Variants in CDH20 observed in about 807,000 individuals in gnomAD.
CDH20 encodes cadherin-20.
A neutral mutation model predicts 74.2 loss-of-function variants in CDH20; 29 were observed. The observed-to-expected ratio is 0.39, with a 90% CI of 0.29 to 0.53. The LOEUF (loss-of-function observed/expected upper bound fraction) is 0.53. Ranked by LOEUF, CDH20 falls within the 20% of genes least tolerant of loss-of-function variation. CDH20 has a pLI of 0.69. For missense variants in CDH20, 988 were observed against 1,048.3 expected (o/e 0.94, Z 0.79); for synonymous variants, 469 against 405.4 (o/e 1.16, Z -1.88).
chr18:61,478,759 C>CG (rs35312486), intron 1 of CDH20, among the ~76,000 whole-genome samples: 8 of 151,988 alleles, frequency 5.3e-5, no homozygotes, highest in Non-Finnish European at 1.2e-4. Context: ...GCTTAGTAAA[C>CG]GGGAAAGTGG....
intron 1 of CDH20, among the ~76,000 whole-genome samples, chr18:61,416,712 C>T (rs995265855): frequency 1.5e-4 from 23 of 152,204 alleles, no homozygotes; most frequent in African/African-American, 4.8e-4. Flanking sequence ...GACAAAGACA[C>T]ATGACCACAC....
At chr18:61,464,293 G>C (rs1472494693) in intron 1 of CDH20, among the ~76,000 whole-genome samples, 1 of 151,400 alleles carries the variant, frequency 6.6e-6, no homozygotes, top group Non-Finnish European at 1.5e-5. Context: ...GGGAAAAAGA[G>C]TTTGGTGGTT....
intron 1 of CDH20, among the ~76,000 whole-genome samples, chr18:61,432,781 C>T (rs776577932): frequency 6.6e-6 from 1 of 152,160 alleles, no homozygotes; most frequent in Non-Finnish European, 1.5e-5. Context: ...CCTTTTCCTT[C>T]CTTCCTTTCT....
In CDH20 at chr18:61,335,001, C is replaced by T. The variant is rs910641890; in HGVS notation, c.-153+1174C>T. 2.6e-5 allele frequency among the ~76,000 whole-genome samples: 4 copies of T among 152,118 alleles called. No individual in the cohort carries two copies. In the East Asian group the frequency reaches 7.7e-4, roughly 29 times the overall value. Reference sequence around the variant, plus strand: ...TTTCCACCAAAGGAAATTACCCACTCAGAGCTGTGGTGCTGTCAGGGACTC... The same window carrying T: ...TTTCCACCAAAGGAAATTACCCACTTAGAGCTGTGGTGCTGTCAGGGACTC... On this transcript the variant is annotated intron_variant, in intron 1 of 11. Coordinates refer to ENST00000262717, the MANE Select transcript of CDH20 (RefSeq NM_031891.4).
intron 1 of CDH20, among the ~76,000 whole-genome samples, chr18:61,467,565 C>T (rs1181579942): frequency 6.6e-6 from 1 of 152,156 alleles, no homozygotes; most frequent in Admixed American, 6.5e-5. Context: ...CACTCCCTCC[C>T]TCCAAAAATA....
At chr18:61,400,716 G>A (rs1912127852) in intron 1 of CDH20, among the ~76,000 whole-genome samples, 3 of 152,152 alleles carry the variant, frequency 2.0e-5, no homozygotes, top group African/African-American at 7.2e-5. Flanking sequence ...TCAATTCACA[G>A]GAGGCAAATG....
intron 9 of CDH20, among the ~76,000 whole-genome samples, chr18:61,540,663 A>G (rs1599157635): frequency 6.6e-6 from 1 of 152,184 alleles, no homozygotes; most frequent in African/African-American, 2.4e-5. Flanking sequence ...TATGGGAGCT[A>G]TAATTCAAGA....
intron 1 of CDH20, among the ~76,000 whole-genome samples, chr18:61,415,551 T>G (rs1169540104): frequency 6.6e-6 from 1 of 152,164 alleles, no homozygotes; most frequent in East Asian, 1.9e-4. Flanking sequence ...CACTCATCTT[T>G]TCTTGAGTTG....
At chr18:61,340,284 C>T (rs1909905476) in intron 1 of CDH20, among the ~76,000 whole-genome samples, 1 of 136,826 alleles carries the variant, frequency 7.3e-6, no homozygotes, top group African/African-American at 2.7e-5. Context: ...AGCATTTTCC[C>T]AGAGAACAGT....
intron 1 of CDH20, among the ~76,000 whole-genome samples, chr18:61,352,391 T>C (rs1364893099): frequency 1.3e-5 from 2 of 152,210 alleles, no homozygotes; most frequent in African/African-American, 4.8e-5. Context: ...TGTGATAAAA[T>C]ATGCATCAAT....
intron 9 of CDH20, among the ~76,000 whole-genome samples, chr18:61,540,927 A>G (rs1005530304): frequency 2.6e-5 from 4 of 152,202 alleles, no homozygotes; most frequent in Non-Finnish European, 5.9e-5. Context: ...TTATCTAACA[A>G]TCCTTGAAAT....
At chr18:61,493,254 C>T (rs1050394028) in intron 2 of CDH20, among the ~76,000 whole-genome samples, 6 of 152,098 alleles carry the variant, frequency 3.9e-5, no homozygotes, top group African/African-American at 1.4e-4. Flanking sequence ...GCATCTCCTC[C>T]TCTCTAGGCT....
intron 1 of CDH20, among the ~76,000 whole-genome samples, chr18:61,438,341 T>A (rs1382142091): frequency 1.3e-5 from 2 of 149,882 alleles, no homozygotes; most frequent in African/African-American, 4.9e-5. Context: ...AATTCAGAGA[T>A]GTAGAGGAGG....
At chr18:61,454,616 T>C (rs764139017) in intron 1 of CDH20, among the ~76,000 whole-genome samples, 2 of 152,142 alleles carry the variant, frequency 1.3e-5, no homozygotes, top group Admixed American at 1.3e-4. Flanking sequence ...CTTCTAAAAA[T>C]AAGGTCTGGG....
intron 1 of CDH20, among the ~76,000 whole-genome samples, chr18:61,441,670 T>A (rs576685371): frequency 6.6e-6 from 1 of 152,352 alleles, no homozygotes; most frequent in South Asian, 2.1e-4. Flanking sequence ...TTGATAGTAC[T>A]CAGCTTTGGT....
At chr18:61,421,888 G>A (rs756654890) in intron 1 of CDH20, among the ~76,000 whole-genome samples, 1 of 152,052 alleles carries the variant, frequency 6.6e-6, no homozygotes, top group Non-Finnish European at 1.5e-5. Context: ...TCTGATTAGT[G>A]TCAATGAGGG....
chr18:61,527,781 T>C (rs1328788680), intron 6 of CDH20, among the ~76,000 whole-genome samples, 186 bp from the exon 7 acceptor site: 1 of 152,208 alleles, frequency 6.6e-6, no homozygotes. Context: ...GTGTTGAAAC[T>C]GACATTAAGA....
intron 1 of CDH20, chr18:61,334,316 G>T (rs1285077742): frequency 2.6e-5 from 4 of 152,184 alleles, no homozygotes; most frequent in Admixed American, 2.6e-4. Flanking sequence ...CTCCGGGGAG[G>T]CGCAGGCACC....
chr18:61,551,881 G>C (rs1311917206), intron 11 of CDH20, among the ~76,000 whole-genome samples: 1 of 152,186 alleles, frequency 6.6e-6, no homozygotes, highest in African/African-American at 2.4e-5. Flanking sequence ...GATTTAAAGA[G>C]ACTGGCTTGG....
Sources: allele counts gnomAD v4.1 joint callset (sites outside exome capture counted in the v4.1 genomes callset), GRCh38; gene constraint gnomAD v4.1.1; transcripts MANE v1.5; gene names NCBI Gene and HGNC (gene_info 2026-07-23, HGNC 2026-07-21).